Variants in STK33 observed in about 807,000 individuals in gnomAD.
STK33 encodes serine/threonine kinase 33, also known as serine/threonine-protein kinase 33.
Under a neutral mutation model 58.0 loss-of-function variants are expected in STK33, and 52 were observed. The observed-to-expected ratio is 0.90, with a 90% CI of 0.72 to 1.13. The LOEUF is 1.13. Among genes scored for constraint, STK33 ranks in the 50% most tolerant of loss-of-function variants. The pLI is 0.00. For synonymous variants in STK33, 215 were observed against 200.1 expected (o/e 1.07, Z -0.63); for missense variants, 630 against 604.2 (o/e 1.04, Z -0.45).
the STK33 span, among the ~76,000 whole-genome samples, chr11:8,362,788 C>T: frequency 6.6e-6 from 1 of 152,158 alleles, no homozygotes; most frequent in Non-Finnish European, 1.5e-5. Flanking sequence ...CAGCTTCCTT[C>T]TCCTTTTTTT....
At chr11:8,516,013 C>G (rs1952749238) in intron 1 of STK33, among the ~76,000 whole-genome samples, 1 of 152,176 alleles carries the variant, frequency 6.6e-6, no homozygotes, top group Non-Finnish European at 1.5e-5. Flanking sequence ...AGATTAAACG[C>G]AATCCTTACC....
At chr11:8,443,681 T>A (rs1365574243) in intron 11 of STK33, among the ~76,000 whole-genome samples, 1 of 150,756 alleles carries the variant, frequency 6.6e-6, no homozygotes. Flanking sequence ...ATAATAAATA[T>A]GTATTCAACT....
At position 8,481,790 on chromosome 11, in the gene STK33, T is replaced by C. The variant is rs150964922; in HGVS notation, c.-465-1176A>G. Among the ~76,000 whole-genome samples the C allele has an allele frequency of 3.1e-3, 475 of 152,324 alleles. 3 individuals are homozygous for C. Among genetic ancestry groups the C allele is most frequent in the African/African-American group, 0.011 (456 of 41,566 alleles). On this transcript the variant is annotated intron_variant, in intron 1 of 15. Transcript: ENST00000687296. The stretch of plus-strand genomic sequence containing the variant: ...ACAACATTTTTGGTTTTCAGGAGTC[T>C]AGAAGGATATAAACACATAAGTATT...
chr11:8,459,629 C>T (rs192338495), intron 8 of STK33, among the ~76,000 whole-genome samples: 1 of 152,208 alleles, frequency 6.6e-6, no homozygotes, highest in East Asian at 1.9e-4. Context: ...ATTATTCTAG[C>T]TTGCTGTCTA....
intron 1 of STK33, among the ~76,000 whole-genome samples, chr11:8,546,595 A>AC (rs1167582175): frequency 3.0e-5 from 3 of 100,192 alleles, no homozygotes; most frequent in Non-Finnish European, 6.2e-5. Flanking sequence ...CATCCCCCCC[A>AC]CCCTACCCTG....
intron 1 of STK33, among the ~76,000 whole-genome samples, chr11:8,485,706 AG>A (rs1220336249): frequency 6.6e-6 from 1 of 152,222 alleles, no homozygotes; most frequent in Non-Finnish European, 1.5e-5. Flanking sequence ...AAGTTGACTC[AG>A]TCATTGGCTG....
At chr11:8,387,814 C>T (rs1344587663), downstream of STK33, among the ~76,000 whole-genome samples, 1 of 144,836 alleles carries the variant, frequency 6.9e-6, no homozygotes, top group African/African-American at 2.6e-5. Context: ...CCCCACCCTT[C>T]AGTCACATGG....
At position 8,474,703 on chromosome 11, in the gene STK33, T is replaced by C; in HGVS notation, c.203A>G (p.Asp68Gly). ...TACCAAATCTTTCCTGGAGGTTATA[T>C]CTCTGTTGATATTTTTTTCTTTTTT... Reference protein sequence around the residue: ...ERKKEKNINRDITSRKDLPSR... With the variant: ...ERKKEKNINRGITSRKDLPSR... The change falls in exon 5 of 16, where the codon GAT (aspartate) becomes GGT (glycine). Residue 68 changes from aspartate to glycine, a missense_variant. Coordinates refer to ENST00000687296, the MANE Select transcript of STK33 (RefSeq NM_001352389.2). The C allele has an allele frequency of 6.2e-7, 1 of 1,610,874 alleles. No homozygotes were observed.
At chr11:8,380,396 C>G in the STK33 span, among the ~76,000 whole-genome samples, 2 of 151,968 alleles carry the variant, frequency 1.3e-5, no homozygotes, top group African/African-American at 4.8e-5. Context: ...CTCGTCTCTA[C>G]TAAAAATACA....
At chr11:8,432,202 T>C (rs980838451) in intron 14 of STK33, among the ~76,000 whole-genome samples, 1 of 152,196 alleles carries the variant, frequency 6.6e-6, no homozygotes, top group South Asian at 2.1e-4. Context: ...TTCCTTAATT[T>C]ATAGCAGTGG....
chr11:8,519,508 A>C (rs1245794575), intron 1 of STK33, among the ~76,000 whole-genome samples: 2 of 152,226 alleles, frequency 1.3e-5, no homozygotes, highest in Admixed American at 1.3e-4. Flanking sequence ...GAACTGAAGG[A>C]GACAGAGACA....
At chr11:8,421,280 T>C (rs1941885629) in intron 14 of STK33, among the ~76,000 whole-genome samples, 1 of 152,200 alleles carries the variant, frequency 6.6e-6, no homozygotes, top group Non-Finnish European at 1.5e-5. Context: ...TGGTTTTTAC[T>C]ATAAGTCCCT....
the STK33 span, among the ~76,000 whole-genome samples, chr11:8,353,813 T>C: frequency 2.0e-5 from 3 of 152,256 alleles, no homozygotes; most frequent in Admixed American, 1.3e-4. Flanking sequence ...ATCTGTGCCA[T>C]TCTTCCTAAA....
intron 1 of STK33, among the ~76,000 whole-genome samples, chr11:8,544,465 A>C (rs2140407251): frequency 6.6e-6 from 1 of 151,164 alleles, no homozygotes; most frequent in Non-Finnish European, 1.5e-5. Flanking sequence ...TCTCTAAAGA[A>C]AATTATGAGT....
chr11:8,572,287 A>G (rs1031691325), intron 1 of STK33, among the ~76,000 whole-genome samples: 4 of 152,108 alleles, frequency 2.6e-5, no homozygotes, highest in Non-Finnish European at 5.9e-5. Flanking sequence ...AATTATCCCT[A>G]GACTAAAGAC....
intron 15 of STK33, among the ~76,000 whole-genome samples, chr11:8,402,143 G>A (rs1294283709): frequency 2.0e-5 from 3 of 152,158 alleles, no homozygotes; most frequent in Non-Finnish European, 4.4e-5. Context: ...TATAAATCAT[G>A]CTGCTATAAA....
the STK33 span, among the ~76,000 whole-genome samples, chr11:8,379,275 A>G: frequency 1.6e-4 from 25 of 152,212 alleles, no homozygotes; most frequent in Admixed American, 3.3e-4. Flanking sequence ...AAATGCAACA[A>G]AAACAAAAAT....
chr11:8,383,867 A>G, the STK33 span, among the ~76,000 whole-genome samples: 1,518 of 152,256 alleles, frequency 1.0e-2, 34 homozygotes, highest in African/African-American at 0.034. Flanking sequence ...GGCACCCAGA[A>G]GCCTCTGCAC....
rs554739396 is a variant in STK33, at chr11:8,482,673, T to C, written c.-465-2059A>G. 1.2e-4 allele frequency among the ~76,000 whole-genome samples: 19 copies of C among 152,258 alleles called. No homozygotes were observed. The East Asian group carries it at 2.5e-3, about 20-fold the overall frequency. ...ATCCCTTATTAGCTCAGTTCCCCTG[T>C]ATGTAAAGCAAAGATAACAGCAGTA... On this transcript the variant is annotated intron_variant, in intron 1 of 15. Transcript: ENST00000687296.
Sources: allele counts gnomAD v4.1 joint callset (sites outside exome capture counted in the v4.1 genomes callset), GRCh38; gene constraint gnomAD v4.1.1; transcripts MANE v1.5; gene names NCBI Gene and HGNC (gene_info 2026-07-23, HGNC 2026-07-21).